The following RDH16 variants were observed in gnomAD, a reference collection of about 807,000 sequenced individuals.
RDH16 encodes the protein retinol dehydrogenase 16.
A neutral mutation model predicts 22.3 loss-of-function variants in RDH16; 25 were observed. That is an observed-to-expected ratio of 1.12 (90% CI 0.82 to 1.56). The LOEUF (loss-of-function observed/expected upper bound fraction) is 1.56, where lower values mean the gene tolerates loss of function less well. RDH16 is among the 40% of genes most tolerant of loss of function. The pLI is 0.00. For synonymous variants in RDH16, 154 were observed against 164.4 expected, an observed-to-expected ratio of 0.94 and a Z score of 0.48; for missense variants, 413 against 394.9, an observed-to-expected ratio of 1.05 and a Z score of -0.39.
chr12:56,955,143 T>C lies in RDH16; in HGVS notation c.335A>G (p.Asn112Ser). Residue 112 changes from asparagine (N) to serine (S), a missense_variant, in exon 2 of 4, where the codon AAT becomes AGT. Asn to Ser is a conservative substitution (Grantham distance 46). Coordinates refer to ENST00000398138, the MANE Select transcript of RDH16 (RefSeq NM_003708.5). ...AGCCGTGGGCAAGGAGATGCCAGCA[T>C]TATTCACCAGGCCCCAGAGTCCTGG... ...RDKGLWGLVN[N>S]AGISLPTAPN... 6.2e-7 allele frequency: 1 copy of C among 1,614,066 alleles called. No homozygotes were observed. Among genetic ancestry groups the C allele is most frequent in the Non-Finnish European group, 8.5e-7 (1 of 1,180,010 alleles).
Position 56,952,183 on chromosome 12 carries a change from C to T in RDH16, c.800G>A (p.Cys267Tyr). The T allele has an allele frequency of 6.2e-7, 1 of 1,614,198 alleles. No individual in the cohort carries two copies. The highest frequency in any genetic ancestry group is 8.5e-7 in the Non-Finnish European group (1 of 1,180,028). Reference protein sequence around the residue: ...CTQDLSLVTNCMEHALIACHP... With the variant: ...CTQDLSLVTNYMEHALIACHP... Reference sequence around the variant, plus strand: ...GCAGGCAATCAGCGCATGCTCCATGCAGTTGGTCACCAACGACAGATCCTG... The same window carrying T: ...GCAGGCAATCAGCGCATGCTCCATGTAGTTGGTCACCAACGACAGATCCTG... Residue 267 changes from cysteine (C) to tyrosine (Y), a missense_variant, in exon 4 of 4, where the codon TGC (cysteine) becomes TAC (tyrosine). By Grantham distance (194) the Cys-to-Tyr change is radical (BLOSUM62 -2). Coordinates refer to ENST00000398138, the MANE Select transcript of RDH16 (RefSeq NM_003708.5).
chr12:56,952,194 C>G lies in RDH16; in HGVS notation c.789G>C (p.Leu263Phe). The G allele has an allele frequency of 6.2e-7, 1 of 1,614,156 alleles. No individual in the cohort carries two copies. Among genetic ancestry groups the G allele is most frequent in the Non-Finnish European group, 8.5e-7 (1 of 1,180,024 alleles). Residue 263 changes from leucine to phenylalanine, a missense_variant, in exon 4 of 4, where the codon TTG (leucine) becomes TTC (phenylalanine). Transcript: ENST00000398138. ...MEQKCTQDLS[L>F]VTNCMEHALI... ...GCGCATGCTCCATGCAGTTGGTCAC[C>G]AACGACAGATCCTGTGTGCACTTCT...
In RDH16 at chr12:56,952,267, T is replaced by G. The variant is rs374756444; in HGVS notation, c.737-21A>C. 47 of 1,608,430 alleles carry G rather than the reference T, an allele frequency of 2.9e-5. 1 individual carries two copies. In the African/African-American group the frequency reaches 5.6e-4, roughly 19 times the overall value. The stretch of plus-strand genomic sequence containing the variant: ...CTTATCTGTTAAGAATCAGAAACAA[T>G]CCATGTATATTTCCACCTCTAACCG... On this transcript the variant is annotated intron_variant, in intron 3 of 3. Transcript: ENST00000398138.
At position 56,954,970 on chromosome 12, in the gene RDH16, A is replaced by T; in HGVS notation, c.508T>A (p.Ser170Thr). 3 of 1,614,134 alleles carry T rather than the reference A, an allele frequency of 1.9e-6. No homozygotes were observed. Among genetic ancestry groups the T allele is most frequent in the Non-Finnish European group, 2.5e-6 (3 of 1,180,010 alleles). ...VNVSSVMGRV[S>T]LFGGGYCISK... is the part of the protein sequence containing the mutation. ...ATGCAGTAGCCTCCACCAAAAAGTG[A>T]CACCCGGCCCATGACACTGGAGACG... Residue 170 changes from serine to threonine, a missense_variant, in exon 2 of 4, where the codon TCA becomes ACA. Transcript: ENST00000398138.
intron 1 of RDH16, 133 bp from the exon 2 acceptor site, chr12:56,955,297 A>C: frequency 9.4e-7 from 1 of 1,061,938 alleles, no homozygotes; most frequent in Non-Finnish European, 1.4e-6. Context: ...GGTATAACAA[A>C]CACCACAGTA....
intron 1 of RDH16, 21 bp downstream of exon 1, chr12:56,957,129 T>C (rs766653770): frequency 7.5e-5 from 119 of 1,587,756 alleles, no homozygotes; most frequent in Non-Finnish European, 9.7e-5. Flanking sequence ...ACAGACAGAC[T>C]TGACAAACCT....
intron 1 of RDH16, among the ~76,000 whole-genome samples, chr12:56,956,890 G>A (rs1955933165): frequency 6.6e-6 from 1 of 152,116 alleles, no homozygotes; most frequent in Admixed American, 6.5e-5. Flanking sequence ...TTAGACAGGA[G>A]GGAGAGGATA....
At chr12:56,954,149 G>A (rs998283182) in intron 2 of RDH16, among the ~76,000 whole-genome samples, 9 of 152,220 alleles carry the variant, frequency 5.9e-5, no homozygotes, top group Non-Finnish European at 1.2e-4. Flanking sequence ...CCAGAGCCAG[G>A]CACCCATCTC....
At chr12:56,956,232 T>C (rs533853261) in intron 1 of RDH16, among the ~76,000 whole-genome samples, 1 of 152,256 alleles carries the variant, frequency 6.6e-6, no homozygotes, top group East Asian at 1.9e-4. Flanking sequence ...ACATTTATGA[T>C]GAATAAAAAG....
rs201943662 is a variant in RDH16 at position 56,957,162 on chromosome 12, C to A, written c.301G>T (p.Val101Leu). 1.2e-6 allele frequency: 2 copies of A among 1,609,698 alleles called. No homozygotes were observed. Among genetic ancestry groups the A allele is most frequent in the Non-Finnish European group, 1.7e-6 (2 of 1,176,628 alleles). The change falls in exon 1 of 4, where the codon GTG becomes TTG. Residue 101 changes from valine to leucine, a missense_variant. Coordinates refer to ENST00000398138, the MANE Select transcript of RDH16 (RefSeq NM_003708.5). ...CCTGGGTGGTTACCTTTGTCTCTCA[C>A]GCACTCCTTCACCCACTGGGCGGCT... ...AAAAQWVKEC[V>L]RDKGLWGLVN...
At chr12:56,952,658 T>G (rs1206692065) in intron 3 of RDH16, among the ~76,000 whole-genome samples, 169 bp downstream of exon 3, 1 of 152,206 alleles carries the variant, frequency 6.6e-6, no homozygotes, top group Non-Finnish European at 1.5e-5. Context: ...TTGCTTTTCA[T>G]GACCAGTTGA....
chr12:56,952,746 A>C (rs1955893187), intron 3 of RDH16, 81 bp downstream of exon 3: 2 of 1,501,614 alleles, frequency 1.3e-6, no homozygotes, highest in East Asian at 4.5e-5. Flanking sequence ...ATCAAACTCT[A>C]ATGCCCTTCA....
rs765105163 is a variant in RDH16 at position 56,952,786 on chromosome 12, C to T, written c.736+41G>A. The T allele has an allele frequency of 1.8e-5, 28 of 1,587,774 alleles. No individual in the cohort carries two copies. In the Middle Eastern group the frequency reaches 7.4e-4, roughly 42 times the overall value. ...CCAATGGTAGACCAAGGATTCCACA[C>T]GAGGGTTTGCTTCTCTCCCCACTGT... On this transcript the variant is annotated intron_variant, in intron 3 of 3. Coordinates refer to ENST00000398138, the MANE Select transcript of RDH16 (RefSeq NM_003708.5).
In RDH16 at chr12:56,951,799, GCACTATTTGGTCC is replaced by G. The variant is rs1180724596; in HGVS notation, c.*217_*229del. 1 of 564,936 alleles carries G rather than the reference GCACTATTTGGTCC, an allele frequency of 1.8e-6. No homozygotes were observed. Among genetic ancestry groups the G allele is most frequent in the Non-Finnish European group, 3.2e-6 (1 of 315,290 alleles). The allele number at this position is 564,936 out of a possible 1,614,324, so 35.0% of individuals were successfully genotyped here. On this transcript the variant is annotated 3_prime_UTR_variant, in exon 4 of 4. Coordinates refer to ENST00000398138, the MANE Select transcript of RDH16 (RefSeq NM_003708.5). ...ACCCACGGTGACAATGCACCCAGGAGCACTATTTGGTCCCTGTTTCTCAGCTGCGTAACTTGAA... is the reference window on the plus strand; with the variant it reads ...ACCCACGGTGACAATGCACCCAGGAGCTGTTTCTCAGCTGCGTAACTTGAA...
intron 2 of RDH16, among the ~76,000 whole-genome samples, chr12:56,953,422 C>A (rs951292589): frequency 6.6e-6 from 1 of 152,214 alleles, no homozygotes; most frequent in South Asian, 2.1e-4. Flanking sequence ...TGGCTCCCCA[C>A]ACTTACAACC....
intron 2 of RDH16, among the ~76,000 whole-genome samples, chr12:56,954,635 T>C (rs1955910195): frequency 6.6e-6 from 1 of 152,178 alleles, no homozygotes; most frequent in African/African-American, 2.4e-5. Context: ...CCTCTGGCAG[T>C]TTCTGACCAA....
In RDH16 at chr12:56,957,163, G is replaced by C. The variant is rs374726589; in HGVS notation, c.300C>G (p.Cys100Trp). 7 of 1,609,692 alleles carry C rather than the reference G, an allele frequency of 4.3e-6. No homozygotes were observed. The highest frequency in any genetic ancestry group is 5.9e-6 in the Non-Finnish European group (7 of 1,176,598). The part of the protein sequence containing the change: ...VAAAAQWVKE[C>W]VRDKGLWGLV... ...CTGGGTGGTTACCTTTGTCTCTCAC[G>C]CACTCCTTCACCCACTGGGCGGCTG... Residue 100 changes from cysteine to tryptophan, a missense_variant, in exon 1 of 4, where the codon TGC becomes TGG. Physicochemically the swap from Cys to Trp is radical, Grantham distance 215 (BLOSUM62 -2). Transcript: ENST00000398138.
Position 56,952,081 on chromosome 12 carries a change from A to T in RDH16, c.902T>A (p.Leu301Gln). ...GACCCAGTACATAATGGCATCCACC[A>T]GGAAGGTGGGCATGTAGCTCATGGG... ...YLPMSYMPTF[L>Q]VDAIMYWVSP... The change falls in exon 4 of 4, where the codon CTG becomes CAG. Residue 301 changes from leucine (L) to glutamine (Q), a missense_variant. By Grantham distance (113) the Leu-to-Gln change is moderately radical. Coordinates refer to ENST00000398138, the MANE Select transcript of RDH16 (RefSeq NM_003708.5). 1.9e-6 allele frequency: 3 copies of T among 1,614,168 alleles called. No individual in the cohort carries two copies. The highest frequency in any genetic ancestry group is 2.5e-6 in the Non-Finnish European group (3 of 1,180,032).
chr12:56,957,086 A>G, intron 1 of RDH16, 64 bp downstream of exon 1: 1 of 1,479,014 alleles, frequency 6.8e-7, no homozygotes, highest in Non-Finnish European at 9.3e-7. Flanking sequence ...CAGGGAGCAG[A>G]CAGGAGGTGG....
Sources: gnomAD v4.1 joint callset for allele counts (sites outside exome capture counted in the v4.1 genomes callset) on GRCh38, gnomAD v4.1.1 for gene constraint, MANE v1.5 for transcripts, NCBI Gene and HGNC (gene_info 2026-07-23, HGNC 2026-07-21) for gene names.